The following UFM1 variants were observed in gnomAD, a reference collection of about 807,000 sequenced individuals.
UFM1 encodes the protein ubiquitin-fold modifier 1.
In UFM1, 9 loss-of-function variants were observed where a neutral mutation model predicts 15.4. That is an observed-to-expected ratio of 0.59 (90% CI 0.35 to 1.02). The LOEUF is 1.02. Ranked by LOEUF, UFM1 falls within the 50% of genes least tolerant of loss-of-function variation. UFM1 has a pLI of 0.02. For synonymous variants in UFM1, 27 were observed against 36.3 expected (o/e 0.74, Z 0.92); for missense variants, 98 against 104.7 (o/e 0.94, Z 0.28).
chr13:38,352,102 CTTT>C (rs35879418), intron 2 of UFM1, among the ~76,000 whole-genome samples: 7 of 105,308 alleles, frequency 6.6e-5, no homozygotes, highest in Admixed American at 2.1e-4. Flanking sequence ...TTCTTTCTTT[CTTT>C]TTTTTTTTTT....
chr13:38,350,360 GTTCTGGTA>G, intron 2 of UFM1: 1 of 953,534 alleles, frequency 1.0e-6, no homozygotes, highest in Non-Finnish European at 1.6e-6. Context: ...GGTGGACCAG[GTTCTGGTA>G]ATTTGTTGGG....
chr13:38,353,297 G>A (rs889426913), intron 2 of UFM1, among the ~76,000 whole-genome samples: 16 of 150,648 alleles, frequency 1.1e-4, no homozygotes, highest in African/African-American at 3.5e-4. Context: ...CAATAATATG[G>A]TGGACAAATA....
At chr13:38,353,830 T>A (rs1005887272) in intron 2 of UFM1, among the ~76,000 whole-genome samples, 2 of 152,092 alleles carry the variant, frequency 1.3e-5, no homozygotes, top group Non-Finnish European at 2.9e-5. Flanking sequence ...ATAATGAAAA[T>A]GATAACATTA....
At chr13:38,357,118 C>T (rs1396892388) in intron 3 of UFM1, among the ~76,000 whole-genome samples, 1 of 151,964 alleles carries the variant, frequency 6.6e-6, no homozygotes, top group Non-Finnish European at 1.5e-5. Context: ...ATCATCTACA[C>T]TTAATTATTA....
chr13:38,355,180 C>A (rs1879040860), intron 3 of UFM1, among the ~76,000 whole-genome samples: 1 of 152,006 alleles, frequency 6.6e-6, no homozygotes, highest in Non-Finnish European at 1.5e-5. Context: ...GCTTAACACA[C>A]AATCCTGCCC....
intron 3 of UFM1, among the ~76,000 whole-genome samples, chr13:38,356,462 T>G (rs1879099239): frequency 6.6e-6 from 1 of 151,806 alleles, no homozygotes; most frequent in Non-Finnish European, 1.5e-5. Flanking sequence ...TTTAAAATCT[T>G]TAAAAGGACA....
Position 38,358,117 on chromosome 13 carries a change from G to T in UFM1, c.142G>T (p.Ala48Ser). The T allele has an allele frequency of 6.9e-7, 1 of 1,440,358 alleles. No homozygotes were observed. Among genetic ancestry groups the T allele is most frequent in the South Asian group, 1.5e-5 (1 of 66,558 alleles). 89.2% of individuals were successfully genotyped at this position (1,440,358 alleles called of 1,614,324 possible). A position where few individuals can be genotyped will look rare whatever the true frequency, so the allele number is the denominator to read the frequency against. Residue 48 changes from alanine (A) to serine (S), a missense_variant, in exon 4 of 6, where the codon GCA becomes TCA. By Grantham distance (99) the Ala-to-Ser change is moderately conservative. Transcript: ENST00000239878. ...EEFKVPAATS[A>S]IITNDGIGIN... ...GTTTAAAGTTCCTGCTGCAACAAGT[G>T]CAATTATTACCAATGGTAAGAATTC...
rs199968544 is a variant in UFM1 at position 38,354,252 on chromosome 13, G to C, written c.73G>C (p.Glu25Gln). ...RLPYKVLSVP[E>Q]STPFTAVLKF... is the part of the protein sequence containing the mutation. ...TTCTTCTTGCAGACTCAGTGTTCCT[G>C]AAAGTACACCTTTCACAGCAGTCTT... Residue 25 changes from glutamate (E) to glutamine (Q), a missense_variant, in exon 3 of 6, where the codon GAA (glutamate) becomes CAA (glutamine). Transcript: ENST00000239878. 6.2e-7 allele frequency: 1 copy of C among 1,609,602 alleles called. No individual in the cohort carries two copies. Among genetic ancestry groups the C allele is most frequent in the East Asian group, 2.2e-5 (1 of 44,730 alleles).
intron 3 of UFM1, among the ~76,000 whole-genome samples, chr13:38,357,384 C>T (rs2140058626): frequency 6.6e-6 from 1 of 151,932 alleles, no homozygotes; most frequent in Admixed American, 6.6e-5. Flanking sequence ...TGGATAAGTC[C>T]TAAAGAGTAA....
chr13:38,358,611 C>A (rs1879231944), intron 4 of UFM1, among the ~76,000 whole-genome samples: 1 of 151,732 alleles, frequency 6.6e-6, no homozygotes, highest in African/African-American at 2.4e-5. Flanking sequence ...TGGAATTAGT[C>A]TTGTGAGAAA....
rs981635087 is a variant in UFM1, at chr13:38,350,125, C to G, written c.59+70C>G. The G allele has an allele frequency of 3.1e-6, 5 of 1,613,870 alleles. No homozygotes were observed. In the African/African-American group the frequency reaches 6.7e-5, roughly 22 times the overall value. ...GGGGCTGGGTTGGGGATGATCCGAGCTTTTCCAACAACTACCCCACGCAGT... is the reference window on the plus strand; with the variant it reads ...GGGGCTGGGTTGGGGATGATCCGAGGTTTTCCAACAACTACCCCACGCAGT... On this transcript the variant is annotated intron_variant, in intron 2 of 5. Coordinates refer to ENST00000239878, the MANE Select transcript of UFM1 (RefSeq NM_016617.4).
intron 5 of UFM1, 76 bp downstream of exon 5, chr13:38,359,409 A>G: frequency 6.8e-7 from 1 of 1,467,684 alleles, no homozygotes; most frequent in Non-Finnish European, 9.5e-7. Context: ...AAGCTATTCT[A>G]ATTACACTTG....
chr13:38,352,411 T>C (rs1056400344), intron 2 of UFM1, among the ~76,000 whole-genome samples: 1 of 152,142 alleles, frequency 6.6e-6, no homozygotes, highest in African/African-American at 2.4e-5. Context: ...ATTTTTCTAA[T>C]TGTCCACAGA....
intron 2 of UFM1, among the ~76,000 whole-genome samples, chr13:38,352,656 G>A (rs1878914553): frequency 6.6e-6 from 1 of 152,180 alleles, no homozygotes; most frequent in African/African-American, 2.4e-5. Flanking sequence ...TGGAGTCACT[G>A]TAACTCTCAT....
Position 38,362,440 on chromosome 13 carries a change from G to A in UFM1, c.*1662G>A, listed in dbSNP as rs1230409221. 2.0e-5 allele frequency: 3 copies of A among 148,622 alleles called. No individual in the cohort carries two copies. The highest frequency in any genetic ancestry group is 4.4e-5 in the Non-Finnish European group (3 of 67,432). 9.2% of individuals were successfully genotyped at this position (148,622 alleles called of 1,614,324 possible). A position where few individuals can be genotyped will look rare whatever the true frequency, so the allele number is the denominator to read the frequency against. On this transcript the variant is annotated 3_prime_UTR_variant, in exon 6 of 6. Coordinates refer to ENST00000239878, the MANE Select transcript of UFM1 (RefSeq NM_016617.4). Reference sequence around the variant, plus strand: ...GAGGTGAAAAAATCTGATGTTTGAGGAAGTTTTTATTTTTATTTATTTGTT... The same window carrying A: ...GAGGTGAAAAAATCTGATGTTTGAGAAAGTTTTTATTTTTATTTATTTGTT...
In UFM1 at chr13:38,361,029, C is replaced by T. The variant is rs565974275; in HGVS notation, c.*251C>T. The T allele has an allele frequency of 1.8e-4, 58 of 317,250 alleles. No individual in the cohort carries two copies. Among genetic ancestry groups the T allele is most frequent in the Non-Finnish European group, 2.8e-4 (49 of 174,224 alleles). The allele number at this position is 317,250 out of a possible 1,614,324, so 19.7% of individuals were successfully genotyped here. The stretch of plus-strand genomic sequence containing the variant: ...TACCTCACAACACAAACAGGTAGTT[C>T]GTTGGGGGCAAATGAATTAGCCAAC... On this transcript the variant is annotated 3_prime_UTR_variant, in exon 6 of 6. Coordinates refer to ENST00000239878, the MANE Select transcript of UFM1 (RefSeq NM_016617.4).
At position 38,349,917 on chromosome 13, in the gene UFM1, A is replaced by G. The variant is rs1424329031; in HGVS notation, c.-3A>G. ...TGTGTTCTGGATTCATTCCGGCACC[A>G]CCATGTAAGTGTTTGCTTACCGACT... On this transcript the variant is annotated 5_prime_UTR_variant, in exon 1 of 6. Coordinates refer to ENST00000239878, the MANE Select transcript of UFM1 (RefSeq NM_016617.4). The G allele has an allele frequency of 1.9e-6, 3 of 1,614,150 alleles. No individual in the cohort carries two copies. Among genetic ancestry groups the G allele is most frequent in the East Asian group, 4.5e-5 (2 of 44,850 alleles).
At position 38,349,870 on chromosome 13, in the gene UFM1, T is replaced by C; in HGVS notation, c.-50T>C. On this transcript the variant is annotated 5_prime_UTR_variant, in exon 1 of 6. Transcript: ENST00000239878. ...GTCCCCAGCACACTAGAGGAAGTCG[T>C]GCTACCCCCGCGGAGTTGTCGTGTG... 2 of 1,614,134 alleles carry C rather than the reference T, an allele frequency of 1.2e-6. No individual in the cohort carries two copies. Among genetic ancestry groups the C allele is most frequent in the African/African-American group, 1.3e-5 (1 of 75,042 alleles).
chr13:38,358,048 TG>T, intron 3 of UFM1, 44 bp from the exon 4 acceptor site: 2 of 787,738 alleles, frequency 2.5e-6, no homozygotes, highest in African/African-American at 2.1e-5. Context: ...TGTGTGTGTG[TG>T]TGTGTGTGTA....
Sources: allele counts gnomAD v4.1 joint callset (sites outside exome capture counted in the v4.1 genomes callset), GRCh38; gene constraint gnomAD v4.1.1; transcripts MANE v1.5; gene names NCBI Gene and HGNC (gene_info 2026-07-23, HGNC 2026-07-21).